Variants in VDAC3 observed in about 807,000 individuals in gnomAD.
The protein encoded by VDAC3 is non-selective voltage-gated ion channel VDAC3.
Under a neutral mutation model 33.9 loss-of-function variants are expected in VDAC3, and 7 were observed. The ratio of observed to expected loss-of-function variants is 0.21; its 90% confidence interval spans 0.12 to 0.39. The LOEUF (loss-of-function observed/expected upper bound fraction) is 0.39, where lower values mean the gene tolerates loss of function less well. VDAC3 is among the 10% of genes least tolerant of loss of function. VDAC3 has a pLI of 1.00. For missense variants in VDAC3, 261 were observed against 334.5 expected (o/e 0.78, Z 1.71); for synonymous variants, 100 against 122.4 (o/e 0.82, Z 1.21).
chr8:42,398,938 AT>A (rs1219801462), intron 5 of VDAC3, 74 bp downstream of exon 5: 4 of 1,546,986 alleles, frequency 2.6e-6, no homozygotes, highest in Admixed American at 1.8e-5. Context: ...TACCCCAAAT[AT>A]AATCAAAAGA....
intron 5 of VDAC3, among the ~76,000 whole-genome samples, chr8:42,399,391 AT>A (rs1802375969): frequency 6.6e-6 from 1 of 152,148 alleles, no homozygotes; most frequent in Non-Finnish European, 1.5e-5. Flanking sequence ...TTGTATGGGA[AT>A]TCTGTTTGGT....
intron 1 of VDAC3, 77 bp from the exon 2 acceptor site, chr8:42,393,768 G>GA: frequency 2.5e-6 from 1 of 402,730 alleles, no homozygotes; most frequent in Non-Finnish European, 4.4e-6. Context: ...TTTCAGAGGA[G>GA]AAAAATGTTA....
At chr8:42,402,587 A>G (rs998062549) in intron 7 of VDAC3, among the ~76,000 whole-genome samples, 6 of 152,226 alleles carry the variant, frequency 3.9e-5, no homozygotes, top group Non-Finnish European at 1.5e-5. Flanking sequence ...TTTACGTAGT[A>G]TTTTATGTTG....
intron 6 of VDAC3, among the ~76,000 whole-genome samples, chr8:42,400,075 C>T (rs890152183): frequency 5.9e-5 from 9 of 152,110 alleles, no homozygotes; most frequent in South Asian, 2.1e-4. Flanking sequence ...TGGTGGCTCA[C>T]GCCTGTAATC....
At chr8:42,400,417 G>A (rs1802396901) in intron 6 of VDAC3, among the ~76,000 whole-genome samples, 1 of 151,598 alleles carries the variant, frequency 6.6e-6, no homozygotes, top group Non-Finnish European at 1.5e-5. Flanking sequence ...AGGTGATCTG[G>A]CTCTCAGATG....
In VDAC3 at chr8:42,400,322, C is replaced by CT. The variant is rs1802394475; in HGVS notation, c.323+620dup. On this transcript the variant is annotated intron_variant, in intron 6 of 9. Transcript: ENST00000022615. ...CCAGCCTGGGCAACAGAGCGAGACT[C>CT]TGTCTCAAAAAAAAAAAAAAAAGTT... 3.4e-5 allele frequency among the ~76,000 whole-genome samples: 5 copies of CT among 149,174 alleles called. No homozygotes were observed. In the South Asian group the frequency reaches 1.1e-3, roughly 32 times the overall value.
rs2130885846 is a variant in VDAC3, at chr8:42,395,078, GTA to G, written c.68-3_68-2del. On this transcript the variant is annotated splice_polypyrimidine_tract_variant and splice_region_variant and intron_variant, in intron 3 of 9. Transcript: ENST00000022615. ...TTACTGTGTTTTTGTGTGTGTGTGT[GTA>G]TAGGCTTTGGCATGGTCAAGATAGA... The G allele has an allele frequency of 1.2e-6, 2 of 1,613,888 alleles. No homozygotes were observed. Among genetic ancestry groups the G allele is most frequent in the East Asian group, 4.5e-5 (2 of 44,848 alleles).
chr8:42,396,032 C>T (rs541070610), intron 4 of VDAC3, among the ~76,000 whole-genome samples: 8 of 150,940 alleles, frequency 5.3e-5, no homozygotes, highest in East Asian at 3.9e-4. Flanking sequence ...CCAAGGCGGG[C>T]GGATCACGAG....
chr8:42,403,131 T>G (rs959384437), intron 7 of VDAC3, 180 bp from the exon 8 acceptor site: 11 of 642,350 alleles, frequency 1.7e-5, no homozygotes, highest in Admixed American at 1.6e-4. Flanking sequence ...AAGCAGTCAT[T>G]ACTGGCATAG....
In VDAC3 at chr8:42,405,500, TG is replaced by T; in HGVS notation, c.*39del. ...AAAGCATCAGATTTGTCCCTGGAAG[TG>T]AAGAGAAATGAACCCACTATGTTTT... On this transcript the variant is annotated 3_prime_UTR_variant, in exon 10 of 10. Transcript: ENST00000022615. 2 of 1,530,282 alleles carry T rather than the reference TG, an allele frequency of 1.3e-6. No homozygotes were observed. The highest frequency in any genetic ancestry group is 1.8e-6 in the Non-Finnish European group (2 of 1,108,870). The allele number at this position is 1,530,282 out of a possible 1,614,324, so 94.8% of individuals were successfully genotyped here.
rs531688504 is a variant in VDAC3, at chr8:42,394,267, A to G, written c.56A>G (p.Asn19Ser). The G allele has an allele frequency of 1.9e-6, 3 of 1,613,622 alleles. No individual in the cohort carries two copies. Among genetic ancestry groups the G allele is most frequent in the African/African-American group, 1.3e-5 (1 of 75,026 alleles). The change falls in exon 3 of 10, where the codon AAC becomes AGC. Residue 19 changes from asparagine to serine, a missense_variant. Physicochemically the swap from Asn to Ser is conservative, Grantham distance 46. Transcript: ENST00000022615. ...GGAAAGGCTGCTAAGGATGTCTTCA[A>G]CAAAGGATATGGTAAGTATGCTATT... ...DLGKAAKDVF[N>S]KGYGFGMVKI...
At chr8:42,400,673 CT>C (rs1188886241) in intron 6 of VDAC3, among the ~76,000 whole-genome samples, 9,621 of 72,770 alleles carry the variant, frequency 0.13, 311 homozygotes, top group African/African-American at 0.35. Context: ...ATATTCTTTT[CT>C]TTTTTTTTTT....
At chr8:42,402,115 T>G in intron 7 of VDAC3, 100 bp downstream of exon 7, 1 of 1,236,198 alleles carries the variant, frequency 8.1e-7, no homozygotes, top group Non-Finnish European at 1.1e-6. Flanking sequence ...TTAGCATGCC[T>G]TGGTGAATAT....
At chr8:42,393,043 C>T (rs995851586) in intron 1 of VDAC3, among the ~76,000 whole-genome samples, 2 of 152,130 alleles carry the variant, frequency 1.3e-5, no homozygotes, top group African/African-American at 4.8e-5. Context: ...TGAGTCAGTA[C>T]ATTTATACTA....
chr8:42,400,673 CTT>C (rs1188886241), intron 6 of VDAC3, among the ~76,000 whole-genome samples: 36 of 72,306 alleles, frequency 5.0e-4, no homozygotes, highest in South Asian at 2.0e-3. Flanking sequence ...ATATTCTTTT[CTT>C]TTTTTTTTTT....
At chr8:42,396,036 T>A (rs1802306184) in intron 4 of VDAC3, among the ~76,000 whole-genome samples, 1 of 150,822 alleles carries the variant, frequency 6.6e-6, no homozygotes, top group Non-Finnish European at 1.5e-5. Flanking sequence ...GGCGGGCGGA[T>A]CACGAGGTCA....
At chr8:42,396,704 A>T (rs760671874) in intron 4 of VDAC3, 2 of 687,086 alleles carry the variant, frequency 2.9e-6, no homozygotes, top group South Asian at 3.2e-5. Context: ...GCTTATTCGT[A>T]TGCTTGTTTT....
At chr8:42,397,958 A>AGG (rs1250409850) in intron 4 of VDAC3, among the ~76,000 whole-genome samples, 1 of 139,658 alleles carries the variant, frequency 7.2e-6, no homozygotes, top group Admixed American at 6.7e-5. Context: ...ACAATAAAAA[A>AGG]AAACATTTTT....
Position 42,398,752 on chromosome 8 carries a change from A to G in VDAC3, c.158A>G (p.Lys53Arg). The G allele has an allele frequency of 4.3e-6, 7 of 1,614,016 alleles. No individual in the cohort carries two copies. Among genetic ancestry groups the G allele is most frequent in the Non-Finnish European group, 5.1e-6 (6 of 1,179,996 alleles). ...GGTCATGCTTACACTGATACAGGGA[A>G]AGCATCAGGCAACCTAGAAACCAAA... Reference protein sequence around the residue: ...TSGHAYTDTGKASGNLETKYK... With the variant: ...TSGHAYTDTGRASGNLETKYK... The change falls in exon 5 of 10, where the codon AAA becomes AGA. Residue 53 changes from lysine (K) to arginine (R), a missense_variant. By Grantham distance (26) the Lys-to-Arg change is conservative. Transcript: ENST00000022615.
Sources: gnomAD v4.1 joint callset for allele counts (sites outside exome capture counted in the v4.1 genomes callset) on GRCh38, gnomAD v4.1.1 for gene constraint, MANE v1.5 for transcripts, NCBI Gene and HGNC (gene_info 2026-07-23, HGNC 2026-07-21) for gene names.